TTF1: variants seen among roughly 807,000 people sequenced by gnomAD.
The protein encoded by TTF1 is transcription termination factor 1.
TTF1 carries 64 observed loss-of-function variants against 80.2 expected under a neutral mutation model. The observed-to-expected ratio is 0.80, with a 90% CI of 0.65 to 0.98. TTF1 has a LOEUF of 0.98. TTF1 is among the 50% of genes least tolerant of loss of function. The pLI is 0.00. For missense variants in TTF1, 1,023 were observed against 1,086.2 expected, an observed-to-expected ratio of 0.94 and a Z score of 0.82; for synonymous variants, 372 against 382.7, an observed-to-expected ratio of 0.97 and a Z score of 0.33.
chr9:132,378,631 G>GAGTGCATGTGGTGT lies in TTF1; in HGVS notation c.2464+427_2464+428insACACCACATGCACT, dbSNP rs1447677872. On this transcript the variant is annotated intron_variant, in intron 10 of 10. Transcript: ENST00000334270. Reference sequence around the variant, plus strand: ...GCATGTGGTGTGAGTGCATGTGGTTGGTGTGAGTGCATGTGGTGTGAGTGC... The same window carrying GAGTGCATGTGGTGT: ...GCATGTGGTGTGAGTGCATGTGGTTGAGTGCATGTGGTGTGTGTGAGTGCATGTGGTGTGAGTGC... Among the ~76,000 whole-genome samples the GAGTGCATGTGGTGT allele has an allele frequency of 2.5e-4, 20 of 81,540 alleles. 2 individuals carry two copies. The East Asian group carries it at 0.015, about 61-fold the overall frequency. 53.5% of individuals were successfully genotyped at this position (81,540 alleles called of 152,430 possible). A position where few individuals can be genotyped will look rare whatever the true frequency, so the allele number is the denominator to read the frequency against.
chr9:132,404,403 G>T (rs532539251), intron 1 of TTF1, among the ~76,000 whole-genome samples: 1 of 151,410 alleles, frequency 6.6e-6, no homozygotes, highest in African/African-American at 2.4e-5. Flanking sequence ...TCTCTGTCTC[G>T]CTGCAACAAA....
chr9:132,376,183 T>C lies in TTF1; in HGVS notation c.2465-15A>G. The C allele has an allele frequency of 6.2e-7, 1 of 1,604,716 alleles. No individual in the cohort carries two copies. Among genetic ancestry groups the C allele is most frequent in the Non-Finnish European group, 8.5e-7 (1 of 1,178,074 alleles). On this transcript the variant is annotated splice_polypyrimidine_tract_variant and intron_variant, in intron 10 of 10. Transcript: ENST00000334270. ...GTCGATGATCTCTACAGAAAAGAAATTTAATTGTGCAGTTATCTGTCTGTA... is the reference window on the plus strand; with the variant it reads ...GTCGATGATCTCTACAGAAAAGAAACTTAATTGTGCAGTTATCTGTCTGTA...
In TTF1 at chr9:132,398,157, C is replaced by T. The variant is rs201529682; in HGVS notation, c.1761G>A (p.Ser587=). The T allele has an allele frequency of 3.8e-5, 60 of 1,584,636 alleles. 1 individual carries two copies. The highest frequency in any genetic ancestry group is 3.2e-4 in the Admixed American group (16 of 50,174). Residue 587 remains serine, a synonymous_variant, in exon 4 of 11, where the codon TCG becomes TCA. Coordinates refer to ENST00000334270, the MANE Select transcript of TTF1 (RefSeq NM_007344.4). Reference sequence around the variant, plus strand: ...TAAACTTACCAATGTGTAATCTAAACGAGTATCTCCTTTTTAAGTTGGTGA... The same window carrying T: ...TAAACTTACCAATGTGTAATCTAAATGAGTATCTCCTTTTTAAGTTGGTGA... ...SVITNLKRRY[S]FRLHIGRNIA...
Position 132,390,603 on chromosome 9 carries a change from CT to C in TTF1, c.2215del (p.Ser739ValfsTer7). On this transcript the variant is annotated frameshift_variant, in exon 7 of 11. Coordinates refer to ENST00000334270, the MANE Select transcript of TTF1 (RefSeq NM_007344.4). LOFTEE classifies it high-confidence loss of function. The part of the protein sequence containing the change: ...VQTRNWMQCK[S>X]KWTEILTKRM... ...GAGAGAGGGAAGAACTTACCACTTA[CT>C]TTTACACTGCATCCAATTTCTGGTT... 1 of 1,614,140 alleles carries C rather than the reference CT, an allele frequency of 6.2e-7. No individual in the cohort carries two copies. Among genetic ancestry groups the C allele is most frequent in the Non-Finnish European group, 8.5e-7 (1 of 1,179,972 alleles).
In TTF1 at chr9:132,402,145, G is replaced by A. The variant is rs1470909958; in HGVS notation, c.677C>T (p.Ser226Phe). The change falls in exon 2 of 11, where the codon TCC becomes TTC. Residue 226 changes from serine to phenylalanine, a missense_variant. Transcript: ENST00000334270. ...KNKSKKKKKK[S>F]SNREYETLAM... The stretch of plus-strand genomic sequence containing the variant: ...CAGTGTCTCATATTCCCGGTTACTG[G>A]ACTTTTTCTTTTTTTTCTTAGACTT... The A allele has an allele frequency of 1.2e-6, 2 of 1,614,050 alleles. No homozygotes were observed. The highest frequency in any genetic ancestry group is 1.7e-6 in the Non-Finnish European group (2 of 1,180,022).
chr9:132,401,972 T>C lies in TTF1; in HGVS notation c.850A>G (p.Asn284Asp), dbSNP rs1849772273. 2 of 1,614,008 alleles carry C rather than the reference T, an allele frequency of 1.2e-6. No individual in the cohort carries two copies. Among genetic ancestry groups the C allele is most frequent in the Non-Finnish European group, 1.7e-6 (2 of 1,179,992 alleles). The change falls in exon 2 of 11, where the codon AAT (asparagine) becomes GAT (aspartate). Residue 284 changes from asparagine to aspartate, a missense_variant. By Grantham distance (23) the Asn-to-Asp change is conservative. Transcript: ENST00000334270. The part of the protein sequence containing the change: ...KSKKKKKKKS[N>D]HQEFEALAMP... ...GCCAATGCCTCAAATTCCTGGTGAT[T>C]GGACTTTTTCTTCTTTTTTTTCTTA... is the stretch of plus-strand genomic sequence containing the variant.
rs1849783756 is a variant in TTF1, at chr9:132,402,394, T to A, written c.428A>T (p.Asp143Val). The change falls in exon 2 of 11, where the codon GAC becomes GTC. Residue 143 changes from aspartate to valine, a missense_variant. Asp to Val is a radical substitution (Grantham distance 152). Coordinates refer to ENST00000334270, the MANE Select transcript of TTF1 (RefSeq NM_007344.4). ...EQKLPRKPKT[D>V]KFQVLAKSHA... ...TGACTTAGCAAGTACCTGAAATTTG[T>A]CTGTTTTAGGCTTTCTTGGTAACTT... The A allele has an allele frequency of 1.2e-6, 2 of 1,614,226 alleles. No individual in the cohort carries two copies. Among genetic ancestry groups the A allele is most frequent in the East Asian group, 4.5e-5 (2 of 44,892 alleles).
rs754987392 is a variant in TTF1 at position 132,402,083 on chromosome 9, C to T, written c.739G>A (p.Gly247Arg). The T allele has an allele frequency of 1.5e-5, 24 of 1,614,020 alleles. No individual in the cohort carries two copies. Among genetic ancestry groups the T allele is most frequent in the Non-Finnish European group, 1.8e-5 (21 of 1,180,042 alleles). Residue 247 changes from glycine (G) to arginine (R), a missense_variant, in exon 2 of 11, where the codon GGG becomes AGG. Coordinates refer to ENST00000334270, the MANE Select transcript of TTF1 (RefSeq NM_007344.4). ...PEGSQAGREA[G>R]TDMQESQPTV... ...GGCTGGGATTCCTGCATATCAGTCC[C>T]GGCCTCTCTGCCTGCTTGCGATCCT... is the stretch of plus-strand genomic sequence containing the variant.
At chr9:132,381,593 C>T (rs1054059202) in intron 9 of TTF1, among the ~76,000 whole-genome samples, 1 of 152,170 alleles carries the variant, frequency 6.6e-6, no homozygotes, top group Non-Finnish European at 1.5e-5. Context: ...GCGTCACCTC[C>T]TTCAAAGCAC....
intron 5 of TTF1, among the ~76,000 whole-genome samples, chr9:132,394,077 C>A (rs1397099188): frequency 6.6e-6 from 1 of 151,260 alleles, no homozygotes; most frequent in African/African-American, 2.4e-5. Context: ...GCATACCAGG[C>A]TAATTTTTGT....
intron 7 of TTF1, 110 bp from the exon 8 acceptor site, chr9:132,388,338 TTTTC>T: frequency 1.4e-6 from 1 of 693,916 alleles, no homozygotes. Flanking sequence ...AACTTCTAAC[TTTTC>T]TTTTTTTTTT....
At chr9:132,389,998 C>T (rs993151147) in intron 7 of TTF1, among the ~76,000 whole-genome samples, 5 of 152,080 alleles carry the variant, frequency 3.3e-5, no homozygotes, top group African/African-American at 1.2e-4. Context: ...TTTTTTGAGA[C>T]AGAGCCTCGC....
At chr9:132,377,411 TGTGTGAGTGCATGCATGTG>T (rs1413973150) in intron 10 of TTF1, among the ~76,000 whole-genome samples, 8,343 of 91,310 alleles carry the variant, frequency 0.091, 617 homozygotes, top group East Asian at 0.14. Context: ...GCATGTGGTG[TGTGTGAGTGCATGCATGTG>T]GTGTGAGTGC....
At chr9:132,377,579 GT>G in intron 10 of TTF1, among the ~76,000 whole-genome samples, 1 of 25,218 alleles carries the variant, frequency 4.0e-5, no homozygotes, top group Non-Finnish European at 9.8e-5. Context: ...AGTGCATGTG[GT>G]GTGTGTGAGT....
In TTF1 at chr9:132,401,497, GTTTTC is replaced by G; in HGVS notation, c.1320_1324del (p.Lys440AsnfsTer21). On this transcript the variant is annotated frameshift_variant, in exon 2 of 11. Transcript: ENST00000334270. LOFTEE classifies it high-confidence loss of function. Reference sequence around the variant, plus strand: ...GTGCTTGCTTGCCAAACAGGCCTGGGTTTTCTTTTGTCGGGGCCTAGATTTCACAC... The same window carrying G: ...GTGCTTGCTTGCCAAACAGGCCTGGGTTTTGTCGGGGCCTAGATTTCACAC... 6.2e-7 allele frequency: 1 copy of G among 1,613,988 alleles called. No homozygotes were observed. Among genetic ancestry groups the G allele is most frequent in the Non-Finnish European group, 8.5e-7 (1 of 1,179,954 alleles).
intron 4 of TTF1, 36 bp from the exon 5 acceptor site, chr9:132,396,547 A>G (rs1415633343): frequency 3.1e-6 from 5 of 1,591,176 alleles, no homozygotes; most frequent in East Asian, 2.2e-5. Context: ...AGGGACTCAC[A>G]TGAAATGAAG....
At chr9:132,401,413 G>A (rs370924614) in intron 2 of TTF1, 42 bp downstream of exon 2, 54 of 1,550,246 alleles carry the variant, frequency 3.5e-5, no homozygotes, top group Admixed American at 6.2e-5. Context: ...GAATCCATAC[G>A]AAAGAAATAT....
intron 5 of TTF1, among the ~76,000 whole-genome samples, chr9:132,393,412 T>C (rs1240735506): frequency 6.6e-6 from 1 of 152,270 alleles, no homozygotes; most frequent in East Asian, 1.9e-4. Flanking sequence ...GAAAACCGCT[T>C]AAAGGCATTC....
chr9:132,383,013 C>T (rs1175130923), intron 9 of TTF1, among the ~76,000 whole-genome samples: 3 of 151,038 alleles, frequency 2.0e-5, no homozygotes, highest in Admixed American at 1.3e-4. Flanking sequence ...TGCAGGGAAC[C>T]GAGATCACGC....
Sources: gnomAD v4.1 joint callset for allele counts (sites outside exome capture counted in the v4.1 genomes callset) on GRCh38, gnomAD v4.1.1 for gene constraint, MANE v1.5 for transcripts, NCBI Gene and HGNC (gene_info 2026-07-23, HGNC 2026-07-21) for gene names.